Variants in ACTL6A observed in about 807,000 individuals in gnomAD.
ACTL6A encodes the protein actin like 6A.
A neutral mutation model predicts 59.2 loss-of-function variants in ACTL6A; 5 were observed. That is an observed-to-expected ratio of 0.08 (90% CI 0.04 to 0.18). The LOEUF (loss-of-function observed/expected upper bound fraction) is 0.18, where lower values mean the gene tolerates loss of function less well. Ranked by LOEUF, ACTL6A falls within the 10% of genes least tolerant of loss-of-function variation. ACTL6A has a pLI of 1.00. For synonymous variants in ACTL6A, 154 were observed against 171.8 expected (o/e 0.90, Z 0.81); for missense variants, 285 against 526.9 (o/e 0.54, Z 4.49).
Position 179,576,834 on chromosome 3 carries a change from G to A in ACTL6A, c.689G>A (p.Arg230His), listed in dbSNP as rs1331119703. The change falls in exon 8 of 14, where the codon CGT becomes CAT. Residue 230 changes from arginine (R) to histidine (H), a missense_variant. Physicochemically the swap from Arg to His is conservative, Grantham distance 29. Coordinates refer to ENST00000429709, the MANE Select transcript of ACTL6A (RefSeq NM_004301.5). The part of the protein sequence containing the change: ...PYMIASKEAV[R>H]EGSPANWKRK... Reference sequence around the variant, plus strand: ...TCTTGGTACTCTCAGGAAGCTGTTCGTGAAGGATCTCCAGCAAACTGGAAA... The same window carrying A: ...TCTTGGTACTCTCAGGAAGCTGTTCATGAAGGATCTCCAGCAAACTGGAAA... 6 of 1,613,944 alleles carry A rather than the reference G, an allele frequency of 3.7e-6. No individual in the cohort carries two copies. The highest frequency in any genetic ancestry group is 2.2e-5 in the East Asian group (1 of 44,858).
At chr3:179,573,520 C>CTT in intron 4 of ACTL6A, 51 bp downstream of exon 4, 5 of 987,660 alleles carry the variant, frequency 5.1e-6, no homozygotes, top group Non-Finnish European at 5.7e-6. Context: ...TTTTTTTTTT[C>CTT]TTTTTTTTTT....
chr3:179,581,691 G>A (rs1718343710), intron 11 of ACTL6A, among the ~76,000 whole-genome samples: 1 of 152,166 alleles, frequency 6.6e-6, no homozygotes, highest in Non-Finnish European at 1.5e-5. Context: ...TAAATTATAT[G>A]AGTAACTTTT....
At position 179,588,170 on chromosome 3, in the gene ACTL6A, T is replaced by G. The variant is rs1471027893; in HGVS notation, c.*160T>G. 1 of 507,996 alleles carries G rather than the reference T, an allele frequency of 2.0e-6. No individual in the cohort carries two copies. The highest frequency in any genetic ancestry group is 3.4e-6 in the Non-Finnish European group (1 of 295,912). 31.5% of individuals were successfully genotyped at this position (507,996 alleles called of 1,614,324 possible). A position where few individuals can be genotyped will look rare whatever the true frequency, so the allele number is the denominator to read the frequency against. ...TAAAGCTTTAACTGGCTCTATAAATTAAGTTTGTGCTTTCCTTGAAATGCA... is the reference window on the plus strand; with the variant it reads ...TAAAGCTTTAACTGGCTCTATAAATGAAGTTTGTGCTTTCCTTGAAATGCA... On this transcript the variant is annotated 3_prime_UTR_variant, in exon 14 of 14. Coordinates refer to ENST00000429709, the MANE Select transcript of ACTL6A (RefSeq NM_004301.5).
intron 11 of ACTL6A, among the ~76,000 whole-genome samples, chr3:179,582,329 T>C (rs371676753): frequency 1.1e-3 from 165 of 152,352 alleles, no homozygotes; most frequent in African/African-American, 3.7e-3. Context: ...ATTTGAAGTA[T>C]GTTTTAAAAA....
intron 8 of ACTL6A, among the ~76,000 whole-genome samples, chr3:179,577,163 G>T (rs1394810151): frequency 6.6e-6 from 1 of 151,900 alleles, no homozygotes; most frequent in Non-Finnish European, 1.5e-5. Flanking sequence ...TTTCATACTT[G>T]CCAAACAAAT....
chr3:179,573,486 C>A lies in ACTL6A; in HGVS notation c.378+17C>A. ...GAGGCACCGGTGAGATAAAGATTTT[C>A]TTTTTCACGTTTCTCTAGTTGTTTT... On this transcript the variant is annotated intron_variant, in intron 4 of 13. Coordinates refer to ENST00000429709, the MANE Select transcript of ACTL6A (RefSeq NM_004301.5). The A allele has an allele frequency of 2.1e-6, 3 of 1,446,758 alleles. No individual in the cohort carries two copies. The highest frequency in any genetic ancestry group is 2.8e-6 in the Non-Finnish European group (3 of 1,083,130). The allele number at this position is 1,446,758 out of a possible 1,614,324, so 89.6% of individuals were successfully genotyped here.
At position 179,580,882 on chromosome 3, in the gene ACTL6A, A is replaced by G. The variant is rs758747571; in HGVS notation, c.831-12A>G. 2.5e-6 allele frequency: 4 copies of G among 1,577,444 alleles called. No individual in the cohort carries two copies. The Admixed American group carries it at 6.1e-5, about 24-fold the overall frequency. On this transcript the variant is annotated splice_polypyrimidine_tract_variant and intron_variant, in intron 9 of 13. Coordinates refer to ENST00000429709, the MANE Select transcript of ACTL6A (RefSeq NM_004301.5). ...TTTGTCTTTTGTGTAATACGGTTTA[A>G]TATGTTTTCAGAGTGGCTGCACAGA...
chr3:179,574,061 C>G (rs1718094379), intron 4 of ACTL6A, among the ~76,000 whole-genome samples: 1 of 152,044 alleles, frequency 6.6e-6, no homozygotes, highest in South Asian at 2.1e-4. Flanking sequence ...CATATTTACT[C>G]TTTAGATTTA....
At position 179,588,073 on chromosome 3, in the gene ACTL6A, C is replaced by A; in HGVS notation, c.*63C>A. 2 of 1,250,120 alleles carry A rather than the reference C, an allele frequency of 1.6e-6. No individual in the cohort carries two copies. The highest frequency in any genetic ancestry group is 2.2e-6 in the Non-Finnish European group (2 of 902,712). 77.4% of individuals were successfully genotyped at this position (1,250,120 alleles called of 1,614,324 possible). On this transcript the variant is annotated 3_prime_UTR_variant, in exon 14 of 14. Coordinates refer to ENST00000429709, the MANE Select transcript of ACTL6A (RefSeq NM_004301.5). ...TTACGTTTCATAGCTTTAGTATACT[C>A]AGGAAAAGAATGACCATCTTTTGTA...
Position 179,575,206 on chromosome 3 carries a change from T to G in ACTL6A, c.476+739T>G, listed in dbSNP as rs74651965. On this transcript the variant is annotated intron_variant, in intron 5 of 13. Coordinates refer to ENST00000429709, the MANE Select transcript of ACTL6A (RefSeq NM_004301.5). ...AGAATCGTCTTCTACATTTCTTCCT[T>G]TATTTTACTTTCAGACCGTGCTGAG... 6.5e-3 allele frequency: 2,331 copies of G among 356,400 alleles called. 33 individuals carry two copies. The highest frequency in any genetic ancestry group is 0.031 in the African/African-American group (1,437 of 46,760). 22.1% of individuals were successfully genotyped at this position (356,400 alleles called of 1,614,324 possible).
intron 8 of ACTL6A, among the ~76,000 whole-genome samples, chr3:179,579,453 T>TACACACACACACACACAC (rs1477872220): frequency 1.8e-5 from 1 of 55,228 alleles, no homozygotes; most frequent in African/African-American, 8.1e-5. Flanking sequence ...ATTTATATCA[T>TACACACACACACACACAC]ATACACACAC....
intron 13 of ACTL6A, among the ~76,000 whole-genome samples, chr3:179,587,442 G>A (rs759299899): frequency 3.3e-5 from 5 of 152,128 alleles, no homozygotes; most frequent in Non-Finnish European, 5.9e-5. Flanking sequence ...GAAGGACTTA[G>A]TATTCTTTTT....
chr3:179,563,022 A>T lies in ACTL6A; in HGVS notation c.-71A>T, dbSNP rs957843566. The T allele has an allele frequency of 2.3e-5, 37 of 1,583,772 alleles. No homozygotes were observed. The highest frequency in any genetic ancestry group is 3.2e-5 in the Non-Finnish European group (37 of 1,165,804). ...GAGTCAGGGGCTATCGCTCCTCGAG[A>T]CTCGCAGTCGCGGCCACTGCAGTCA... On this transcript the variant is annotated 5_prime_UTR_variant, in exon 1 of 14. Transcript: ENST00000429709.
chr3:179,574,174 T>A (rs1275753439), intron 4 of ACTL6A, among the ~76,000 whole-genome samples, 196 bp from the exon 5 acceptor site: 1 of 152,162 alleles, frequency 6.6e-6, no homozygotes, highest in Non-Finnish European at 1.5e-5. Flanking sequence ...TTATTAAATT[T>A]AATCTACATC....
At chr3:179,577,354 T>G (rs1351186147) in intron 8 of ACTL6A, among the ~76,000 whole-genome samples, 1 of 152,152 alleles carries the variant, frequency 6.6e-6, no homozygotes, top group Non-Finnish European at 1.5e-5. Flanking sequence ...AAAATGTGTT[T>G]TTGTTCAGAA....
intron 5 of ACTL6A, 104 bp downstream of exon 5, chr3:179,574,571 T>C: frequency 1.1e-6 from 1 of 880,290 alleles, no homozygotes; most frequent in Admixed American, 2.1e-5. Context: ...TGTTCCGAAG[T>C]TGTTTTTTTC....
In ACTL6A at chr3:179,576,710, A is replaced by G; in HGVS notation, c.662A>G (p.Tyr221Cys). The G allele has an allele frequency of 1.2e-6, 2 of 1,612,994 alleles. No homozygotes were observed. Among genetic ancestry groups the G allele is most frequent in the African/African-American group, 1.3e-5 (1 of 75,034 alleles). The change falls in exon 7 of 14, where the codon TAT (tyrosine) becomes TGT (cysteine). Residue 221 changes from tyrosine (Y) to cysteine (C), a missense_variant. Coordinates refer to ENST00000429709, the MANE Select transcript of ACTL6A (RefSeq NM_004301.5). ...QEMNIELVPP[Y>C]MIASKEAVRE... ...ATGAATATTGAATTGGTTCCTCCAT[A>G]TATGATTGCATCAAAAGTAAGTAAT... is the stretch of plus-strand genomic sequence containing the variant.
At chr3:179,565,003 A>G (rs1225218869) in intron 1 of ACTL6A, among the ~76,000 whole-genome samples, 3 of 151,918 alleles carry the variant, frequency 2.0e-5, no homozygotes, top group Admixed American at 2.0e-4. Flanking sequence ...CCCAGTCAGA[A>G]TATGTCTTAA....
rs1718063509 is a variant in ACTL6A, at chr3:179,573,150, G to C, written c.278-219G>C. Reference sequence around the variant, plus strand: ...GGTCTGTTAGATTAATTACATTTGGGACAGGTCTGGGGGCTGGAGGGACCA... The same window carrying C: ...GGTCTGTTAGATTAATTACATTTGGCACAGGTCTGGGGGCTGGAGGGACCA... On this transcript the variant is annotated intron_variant, in intron 3 of 13. Transcript: ENST00000429709. The C allele has an allele frequency of 1.3e-5, 5 of 372,054 alleles. No homozygotes were observed. The East Asian group carries it at 2.1e-4, about 16-fold the overall frequency. 23.0% of individuals were successfully genotyped at this position (372,054 alleles called of 1,614,324 possible). A position where few individuals can be genotyped will look rare whatever the true frequency, so the allele number is the denominator to read the frequency against.
Sources: allele counts gnomAD v4.1 joint callset (sites outside exome capture counted in the v4.1 genomes callset), GRCh38; gene constraint gnomAD v4.1.1; transcripts MANE v1.5; gene names NCBI Gene and HGNC (gene_info 2026-07-23, HGNC 2026-07-21).